PTPRT: variants seen among roughly 807,000 people sequenced by gnomAD.
PTPRT encodes protein tyrosine phosphatase receptor type T, also known as receptor-type tyrosine-protein phosphatase T.
A neutral mutation model predicts 176.8 loss-of-function variants in PTPRT; 56 were observed. The observed-to-expected ratio is 0.32, with a 90% CI of 0.26 to 0.40. PTPRT has a LOEUF of 0.40. Among genes scored for constraint, PTPRT ranks in the 10% least tolerant of loss-of-function variants. PTPRT has a pLI of 1.00. For missense variants in PTPRT, 1,540 were observed against 1,908.2 expected (o/e 0.81, Z 3.60); for synonymous variants, 783 against 739.0 (o/e 1.06, Z -0.96).
intron 7 of PTPRT, among the ~76,000 whole-genome samples, chr20:42,606,069 A>T (rs2073871200): frequency 6.6e-6 from 1 of 152,186 alleles, no homozygotes; most frequent in Non-Finnish European, 1.5e-5. Context: ...ATCGCCAGTG[A>T]TTCTTGTGCA....
intron 15 of PTPRT, among the ~76,000 whole-genome samples, chr20:42,228,217 T>C (rs2056061694): frequency 6.6e-6 from 1 of 152,232 alleles, no homozygotes; most frequent in Admixed American, 6.5e-5. Context: ...ACAATTACTT[T>C]TGCACCAACA....
intron 13 of PTPRT, among the ~76,000 whole-genome samples, chr20:42,274,581 G>GTGTGTGTGTGTGTGTGTGTGTGTA (rs746699418): frequency 1.1e-4 from 15 of 134,170 alleles, no homozygotes; most frequent in African/African-American, 3.9e-4. Context: ...GTGTGTGTGT[G>GTGTGTGTGTGTGTGTGTGTGTGTA]TGTGTGTGTG....
intron 2 of PTPRT, among the ~76,000 whole-genome samples, chr20:42,793,716 G>A (rs1166685850): frequency 6.6e-6 from 1 of 152,136 alleles, no homozygotes; most frequent in East Asian, 1.9e-4. Flanking sequence ...AGCAATTATA[G>A]GGGCAGAAAT....
Position 42,074,522 on chromosome 20 carries a change from A to G in PTPRT, c.*6357T>C. 1 of 361,366 alleles carries G rather than the reference A, an allele frequency of 2.8e-6. No homozygotes were observed. The highest frequency in any genetic ancestry group is 4.9e-6 in the Non-Finnish European group (1 of 202,690). 22.4% of individuals were successfully genotyped at this position (361,366 alleles called of 1,614,324 possible). A position where few individuals can be genotyped will look rare whatever the true frequency, so the allele number is the denominator to read the frequency against. ...AATTAAGGATCAGAGTCCACATCTC[A>G]CCACCCAGAGCAGTTCTCAGATATA... On this transcript the variant is annotated 3_prime_UTR_variant, in exon 31 of 31. Coordinates refer to ENST00000373187, the MANE Select transcript of PTPRT (RefSeq NM_007050.6).
chr20:43,124,991 T>G (rs1265476437), intron 1 of PTPRT, among the ~76,000 whole-genome samples: 1 of 150,524 alleles, frequency 6.6e-6, no homozygotes, highest in African/African-American at 2.4e-5. Flanking sequence ...TAAGTTAGAT[T>G]TGGGAAATTT....
rs77885748 is a variant in PTPRT, at chr20:42,477,937, G to GGGAT, written c.1154-5379_1154-5376dup. 7.9e-3 allele frequency among the ~76,000 whole-genome samples: 1,198 copies of GGGAT among 152,344 alleles called. 11 individuals carry two copies. The highest frequency in any genetic ancestry group is 0.014 in the Middle Eastern group (4 of 294). On this transcript the variant is annotated intron_variant, in intron 7 of 30. Transcript: ENST00000373187. The stretch of plus-strand genomic sequence containing the variant: ...CAGACTGTCCCTCTTCTCGGAGCAA[G>GGGAT]GGATCGGGGGCCAATGGGCTGGCCA...
intron 2 of PTPRT, among the ~76,000 whole-genome samples, chr20:42,851,859 C>G (rs74637395): frequency 2.1e-4 from 32 of 152,260 alleles, no homozygotes; most frequent in African/African-American, 7.2e-4. Context: ...TGCTTATGTA[C>G]GGACTGAGAT....
chr20:43,124,612 G>A (rs1270488143), intron 1 of PTPRT, among the ~76,000 whole-genome samples: 2 of 152,194 alleles, frequency 1.3e-5, no homozygotes, highest in Non-Finnish European at 2.9e-5. Flanking sequence ...AACTCAAAGA[G>A]ACGCTGTACA....
intron 12 of PTPRT, among the ~76,000 whole-genome samples, chr20:42,307,933 A>T (rs1003260653): frequency 7.2e-5 from 11 of 152,284 alleles, no homozygotes; most frequent in African/African-American, 2.4e-4. Context: ...GACAAAAGTG[A>T]CGGCTGGTCA....
intron 17 of PTPRT, among the ~76,000 whole-genome samples, chr20:42,157,387 A>G (rs1989404838): frequency 6.8e-6 from 1 of 146,206 alleles, no homozygotes; most frequent in Non-Finnish European, 1.5e-5. Flanking sequence ...ACTCTGTCCC[A>G]CAGGCTGGAG....
At chr20:42,551,541 T>C (rs6030321) in intron 7 of PTPRT, among the ~76,000 whole-genome samples, 58,217 of 152,088 alleles carry the variant, frequency 0.38, 11,232 homozygotes, top group Admixed American at 0.43. Flanking sequence ...ATTTTCCCTC[T>C]ATGCAAAATG....
chr20:42,059,906 G>A, the PTPRT span, among the ~76,000 whole-genome samples: 33 of 152,264 alleles, frequency 2.2e-4, no homozygotes, highest in Admixed American at 7.8e-4. Flanking sequence ...GGAAAGTCAT[G>A]GAGACTTTGG....
intron 7 of PTPRT, among the ~76,000 whole-genome samples, chr20:42,649,211 A>G (rs1300343270): frequency 6.6e-6 from 1 of 152,052 alleles, no homozygotes; most frequent in Non-Finnish European, 1.5e-5. Context: ...TACATCTTAC[A>G]TGGATGGCGA....
rs144523372 is a variant in PTPRT, at chr20:42,770,731, C to T, written c.684+704G>A. ...CCTTCCAGTTAAGATTACATGACAA[C>T]CACGTACCAAGAACCTAAGCTATTC... On this transcript the variant is annotated intron_variant, in intron 5 of 30. Coordinates refer to ENST00000373187, the MANE Select transcript of PTPRT (RefSeq NM_007050.6). Among the ~76,000 whole-genome samples, 1,238 of 152,290 alleles carry T rather than the reference C, an allele frequency of 8.1e-3. 14 individuals carry two copies. The highest frequency in any genetic ancestry group is 0.026 in the African/African-American group (1,065 of 41,556).
intron 1 of PTPRT, among the ~76,000 whole-genome samples, chr20:43,117,788 C>T (rs1330920664): frequency 6.6e-6 from 1 of 152,172 alleles, no homozygotes; most frequent in East Asian, 1.9e-4. Context: ...TGCTCTGAAA[C>T]ACACACAACA....
At chr20:42,991,072 G>A in intron 1 of PTPRT, among the ~76,000 whole-genome samples, 1 of 152,148 alleles carries the variant, frequency 6.6e-6, no homozygotes. Flanking sequence ...AGAGAAAGCG[G>A]GCGGAACTCT....
chr20:43,036,822 A>G (rs1986399319), intron 1 of PTPRT, among the ~76,000 whole-genome samples: 1 of 152,222 alleles, frequency 6.6e-6, no homozygotes, highest in Non-Finnish European at 1.5e-5. Flanking sequence ...TACATACCTG[A>G]CTTTTCCTAT....
chr20:43,136,273 A>T (rs1366777973), intron 1 of PTPRT, among the ~76,000 whole-genome samples: 1 of 152,218 alleles, frequency 6.6e-6, no homozygotes, highest in East Asian at 1.9e-4. Context: ...CTGTAAATTC[A>T]TCTCCGCCTT....
intron 7 of PTPRT, among the ~76,000 whole-genome samples, chr20:42,573,257 G>C (rs983993300): frequency 4.6e-5 from 7 of 152,140 alleles, no homozygotes; most frequent in African/African-American, 1.7e-4. Context: ...GGCTGCACAA[G>C]CCCAGCCTGC....
Sources: gnomAD v4.1 joint callset for allele counts (sites outside exome capture counted in the v4.1 genomes callset) on GRCh38, gnomAD v4.1.1 for gene constraint, MANE v1.5 for transcripts, NCBI Gene and HGNC (gene_info 2026-07-23, HGNC 2026-07-21) for gene names.